The following SNTG2 variants were observed in gnomAD, a reference collection of about 807,000 sequenced individuals.
SNTG2 encodes gamma-2-syntrophin.
In SNTG2, 74 loss-of-function variants were observed where a neutral mutation model predicts 70.9. The ratio of observed to expected loss-of-function variants is 1.04; its 90% CI spans 0.86 to 1.27. The LOEUF is 1.27. Among genes scored for constraint, SNTG2 ranks in the 50% most tolerant of loss-of-function variants. The pLI is 0.00. For synonymous variants in SNTG2, 278 were observed against 273.8 expected (o/e 1.02, Z -0.15); for missense variants, 717 against 690.7 (o/e 1.04, Z -0.43).
At chr2:1,104,110 C>T (rs113135874) in intron 4 of SNTG2, among the ~76,000 whole-genome samples, 51 of 152,292 alleles carry the variant, frequency 3.3e-4, no homozygotes, top group African/African-American at 1.1e-3. Context: ...AAAGAGTTTG[C>T]ACAGGGACAG....
intron 16 of SNTG2, among the ~76,000 whole-genome samples, chr2:1,316,627 G>A (rs1054220499): frequency 2.0e-5 from 3 of 152,258 alleles, no homozygotes; most frequent in Non-Finnish European, 4.4e-5. Flanking sequence ...TTGTGGATTA[G>A]GTACTGATTA....
At chr2:1,261,529 T>G (rs897255870) in intron 13 of SNTG2, among the ~76,000 whole-genome samples, 4 of 152,166 alleles carry the variant, frequency 2.6e-5, no homozygotes, top group Non-Finnish European at 5.9e-5. Context: ...ATTGCACCAA[T>G]CAGCCTTGAT....
intron 12 of SNTG2, among the ~76,000 whole-genome samples, chr2:1,253,777 G>A (rs186418199): frequency 6.6e-6 from 1 of 152,310 alleles, no homozygotes; most frequent in African/African-American, 2.4e-5. Context: ...CACGTCTGGG[G>A]AAGCCTCAGG....
intron 8 of SNTG2, among the ~76,000 whole-genome samples, chr2:1,207,854 G>A (rs746534347): frequency 6.6e-6 from 1 of 152,216 alleles, no homozygotes. Context: ...ACTTGGGGTG[G>A]ATAGGGTTGG....
At chr2:1,228,241 C>T (rs1415521637) in intron 9 of SNTG2, among the ~76,000 whole-genome samples, 1 of 152,230 alleles carries the variant, frequency 6.6e-6, no homozygotes, top group Non-Finnish European at 1.5e-5. Context: ...CCCATGTTCA[C>T]ATGTGTGCTT....
At chr2:1,203,154 T>C (rs1162779464) in intron 8 of SNTG2, among the ~76,000 whole-genome samples, 2 of 152,168 alleles carry the variant, frequency 1.3e-5, no homozygotes, top group African/African-American at 4.8e-5. Flanking sequence ...ACAAGATAGA[T>C]GGAATGCTGG....
At chr2:1,228,015 A>G (rs1675910280) in intron 9 of SNTG2, among the ~76,000 whole-genome samples, 1 of 152,300 alleles carries the variant, frequency 6.6e-6, no homozygotes, top group Admixed American at 6.5e-5. Flanking sequence ...CAGCACCTGC[A>G]GTGTCCAGGC....
intron 16 of SNTG2, chr2:1,346,484 C>T (rs1257907268): frequency 6.6e-6 from 1 of 152,324 alleles, no homozygotes; most frequent in Non-Finnish European, 1.5e-5. Context: ...CCCACCCAAC[C>T]TCTCCAGTGC....
intron 1 of SNTG2, among the ~76,000 whole-genome samples, chr2:965,968 C>G (rs1660551157): frequency 6.6e-6 from 1 of 152,180 alleles, no homozygotes; most frequent in Non-Finnish European, 1.5e-5. Flanking sequence ...GCTCCCGGCT[C>G]CTCCCAGCTG....
chr2:1,334,586 A>G (rs1659703350), intron 16 of SNTG2, among the ~76,000 whole-genome samples: 1 of 152,242 alleles, frequency 6.6e-6, no homozygotes, highest in Non-Finnish European at 1.5e-5. Flanking sequence ...TATGGTACAT[A>G]TACTCCATGG....
At chr2:1,181,310 T>C (rs1396084726) in intron 8 of SNTG2, among the ~76,000 whole-genome samples, 1 of 152,196 alleles carries the variant, frequency 6.6e-6, no homozygotes, top group South Asian at 2.1e-4. Context: ...GCATTGATAG[T>C]GTCTATGGAC....
intron 14 of SNTG2, among the ~76,000 whole-genome samples, chr2:1,299,103 C>G (rs969559303): frequency 6.6e-6 from 1 of 152,126 alleles, no homozygotes; most frequent in African/African-American, 2.4e-5. Flanking sequence ...TCTAGAGAAC[C>G]CTGACTAATA....
intron 16 of SNTG2, among the ~76,000 whole-genome samples, chr2:1,361,261 TTTACA>T (rs773556368): frequency 3.3e-5 from 5 of 152,028 alleles, no homozygotes; most frequent in Non-Finnish European, 7.3e-5. Context: ...AATAAGAAAA[TTTACA>T]TTACAATGAT....
At chr2:1,253,785 A>C (rs1445224934) in intron 12 of SNTG2, among the ~76,000 whole-genome samples, 1 of 152,200 alleles carries the variant, frequency 6.6e-6, no homozygotes, top group Non-Finnish European at 1.5e-5. Context: ...GGGAAGCCTC[A>C]GGAAACTTAC....
rs569454061 is a variant in SNTG2 at position 1,225,801 on chromosome 2, G to A, written c.720-12087G>A. Among the ~76,000 whole-genome samples the A allele has an allele frequency of 4.3e-4, 65 of 152,308 alleles. No homozygotes were observed. In the South Asian group the frequency reaches 0.012, roughly 29 times the overall value. ...AAGTGCAGATGCTCAGGGATGATTC[G>A]TCCTGCTCTTGAGTGACACCAGGTC... On this transcript the variant is annotated intron_variant, in intron 9 of 16. Coordinates refer to ENST00000308624, the MANE Select transcript of SNTG2 (RefSeq NM_018968.4).
intron 1 of SNTG2, among the ~76,000 whole-genome samples, chr2:984,455 T>C (rs1661238294): frequency 6.6e-6 from 1 of 152,114 alleles, no homozygotes; most frequent in Admixed American, 6.6e-5. Flanking sequence ...GCAGGAGCTC[T>C]GTGCTGTTTG....
At chr2:1,004,850 A>G (rs1057117612) in intron 1 of SNTG2, among the ~76,000 whole-genome samples, 5 of 152,172 alleles carry the variant, frequency 3.3e-5, no homozygotes, top group African/African-American at 1.2e-4. Context: ...TACCCACACA[A>G]AAAACATGCA....
chr2:1,223,427 C>T (rs1675497871), intron 9 of SNTG2, among the ~76,000 whole-genome samples: 1 of 151,996 alleles, frequency 6.6e-6, no homozygotes, highest in South Asian at 2.1e-4. Context: ...CCCTGTCCTG[C>T]CTGCAGCCCG....
chr2:1,210,189 T>C (rs2147995363), intron 9 of SNTG2, among the ~76,000 whole-genome samples: 1 of 152,348 alleles, frequency 6.6e-6, no homozygotes, highest in African/African-American at 2.4e-5. Flanking sequence ...CGGAAGGATG[T>C]TTATGATCCC....
Sources: gnomAD v4.1 joint callset for allele counts (sites outside exome capture counted in the v4.1 genomes callset) on GRCh38, gnomAD v4.1.1 for gene constraint, MANE v1.5 for transcripts, NCBI Gene and HGNC (gene_info 2026-07-23, HGNC 2026-07-21) for gene names.